DNM3: variants seen among roughly 807,000 people sequenced by gnomAD.
DNM3 encodes dynamin 3, also known as dynamin-3.
DNM3 carries 47 observed loss-of-function variants against 101.6 expected under a neutral mutation model. The observed-to-expected ratio is 0.46, with a 90% CI of 0.37 to 0.59. The LOEUF is 0.59. Ranked by LOEUF, DNM3 falls within the 20% of genes least tolerant of loss-of-function variation. The pLI is 0.00. For synonymous variants in DNM3, 385 were observed against 387.9 expected, an observed-to-expected ratio of 0.99 and a Z score of 0.09; for missense variants, 849 against 1,085.7, an observed-to-expected ratio of 0.78 and a Z score of 3.06.
At chr1:172,352,146 A>C (rs1402845431) in intron 17 of DNM3, among the ~76,000 whole-genome samples, 2 of 152,198 alleles carry the variant, frequency 1.3e-5, no homozygotes, top group East Asian at 3.9e-4. Flanking sequence ...TACAACAGGA[A>C]TGCACTTTTG....
intron 1 of DNM3, among the ~76,000 whole-genome samples, chr1:171,869,039 T>A (rs2035031784): frequency 6.6e-6 from 1 of 152,220 alleles, no homozygotes. Flanking sequence ...TGCCTCAGCC[T>A]CCCAAAGTGC....
chr1:172,358,378 A>C (rs2067559484), intron 17 of DNM3, among the ~76,000 whole-genome samples: 1 of 152,126 alleles, frequency 6.6e-6, no homozygotes, highest in African/African-American at 2.4e-5. Context: ...CACCAGTGGG[A>C]AGAAAGAAGA....
rs1307610612 is a variant in DNM3 at position 172,319,002 on chromosome 1, A to G, written c.1882-4327A>G. The stretch of plus-strand genomic sequence containing the variant: ...ACTTCAAACTATACTACAAGGCTAC[A>G]GTAACCAAAACAGCATGGTACTGGT... On this transcript the variant is annotated intron_variant, in intron 16 of 20. Coordinates refer to ENST00000627582, the MANE Select transcript of DNM3 (RefSeq NM_015569.5). 8.6e-5 allele frequency among the ~76,000 whole-genome samples: 13 copies of G among 152,040 alleles called. No individual in the cohort carries two copies. The East Asian group carries it at 2.3e-3, about 27-fold the overall frequency.
chr1:172,142,989 T>A (rs1333541559), intron 14 of DNM3, among the ~76,000 whole-genome samples: 1 of 152,058 alleles, frequency 6.6e-6, no homozygotes, highest in Non-Finnish European at 1.5e-5. Flanking sequence ...ATAACTTTAC[T>A]ATATCATCTA....
At chr1:172,274,985 T>C (rs2063224433) in intron 15 of DNM3, among the ~76,000 whole-genome samples, 1 of 152,054 alleles carries the variant, frequency 6.6e-6, no homozygotes, top group African/African-American at 2.4e-5. Context: ...AAACAAGCAG[T>C]TCTGGGACCT....
At chr1:172,396,302 C>G (rs1371600319) in intron 20 of DNM3, among the ~76,000 whole-genome samples, 1 of 152,198 alleles carries the variant, frequency 6.6e-6, no homozygotes, top group Non-Finnish European at 1.5e-5. Flanking sequence ...TAATCCATAG[C>G]AAGGTAGGGT....
intron 1 of DNM3, among the ~76,000 whole-genome samples, chr1:171,879,188 T>C (rs776269201): frequency 3.9e-5 from 6 of 152,202 alleles, no homozygotes; most frequent in Non-Finnish European, 7.3e-5. Context: ...AAGGTGCTGT[T>C]TTAGTTGTTC....
At chr1:171,911,552 G>C (rs1412659624) in intron 1 of DNM3, among the ~76,000 whole-genome samples, 1 of 152,120 alleles carries the variant, frequency 6.6e-6, no homozygotes. Context: ...CGAAGTGCTG[G>C]GATTACAGGT....
At chr1:172,196,919 C>T (rs76993572) in intron 14 of DNM3, among the ~76,000 whole-genome samples, 1 of 151,950 alleles carries the variant, frequency 6.6e-6, no homozygotes, top group Non-Finnish European at 1.5e-5. Flanking sequence ...TAATTAGATC[C>T]CACTTGTCAA....
At position 172,219,377 on chromosome 1, in the gene DNM3, CAAAAAAAAA is replaced by C. The variant is rs58783160; in HGVS notation, c.1660-34179_1660-34171del. ...TGGGTGACAGAGGAATACCCTGTCT[CAAAAAAAAA>C]AAAAAAAAAAAAAAAAGAAGACGCT... On this transcript the variant is annotated intron_variant, in intron 14 of 20. Coordinates refer to ENST00000627582, the MANE Select transcript of DNM3 (RefSeq NM_015569.5). 3.1e-3 allele frequency among the ~76,000 whole-genome samples: 177 copies of C among 56,316 alleles called. 1 individual carries two copies. Among genetic ancestry groups the C allele is most frequent in the African/African-American group, 0.013 (169 of 13,254 alleles). 36.9% of individuals were successfully genotyped at this position (56,316 alleles called of 152,430 possible).
intron 15 of DNM3, among the ~76,000 whole-genome samples, chr1:172,307,368 G>A (rs575860531): frequency 6.6e-6 from 1 of 152,274 alleles, no homozygotes; most frequent in Admixed American, 6.5e-5. Flanking sequence ...ATAAAGTCAG[G>A]AAACAACAGA....
At chr1:172,084,528 G>A (rs942728915) in intron 12 of DNM3, among the ~76,000 whole-genome samples, 2 of 152,084 alleles carry the variant, frequency 1.3e-5, no homozygotes, top group African/African-American at 4.8e-5. Flanking sequence ...TTGACATGGG[G>A]TGACGTGGAG....
In DNM3 at chr1:172,408,866, TGA is replaced by T. The variant is rs2071060634; in HGVS notation, c.*1027_*1028del. On this transcript the variant is annotated 3_prime_UTR_variant, in exon 21 of 21. Transcript: ENST00000627582. Reference sequence around the variant, plus strand: ...CATTCTAGGCTTTCTTAATAAATCTTGAGGCTATGGGATAATCACATTTAAAG... The same window carrying T: ...CATTCTAGGCTTTCTTAATAAATCTTGGCTATGGGATAATCACATTTAAAG... 1.0e-6 allele frequency: 1 copy of T among 985,198 alleles called. No individual in the cohort carries two copies. Among genetic ancestry groups the T allele is most frequent in the Non-Finnish European group, 1.2e-6 (1 of 829,884 alleles). 61.0% of individuals were successfully genotyped at this position (985,198 alleles called of 1,614,324 possible).
chr1:172,106,638 C>T (rs868621816), intron 13 of DNM3, among the ~76,000 whole-genome samples: 10 of 151,786 alleles, frequency 6.6e-5, no homozygotes, highest in African/African-American at 2.2e-4. Context: ...TCTTCTATTC[C>T]TCTGTATCTG....
At chr1:172,041,140 T>C (rs760009663) in intron 7 of DNM3, among the ~76,000 whole-genome samples, 4 of 152,158 alleles carry the variant, frequency 2.6e-5, no homozygotes, top group Non-Finnish European at 4.4e-5. Context: ...GATCATCATC[T>C]AGAGGAGCCT....
At chr1:172,145,921 G>A (rs1260530853) in intron 14 of DNM3, among the ~76,000 whole-genome samples, 2 of 152,100 alleles carry the variant, frequency 1.3e-5, no homozygotes, top group Admixed American at 1.3e-4. Flanking sequence ...TTCTTTCCCT[G>A]TTGTGGCTGT....
At chr1:172,273,837 T>TA (rs1215089829) in intron 15 of DNM3, among the ~76,000 whole-genome samples, 2 of 151,946 alleles carry the variant, frequency 1.3e-5, no homozygotes, top group Non-Finnish European at 2.9e-5. Context: ...CCTGAAAGAG[T>TA]CCTGTGTACC....
Position 172,408,378 on chromosome 1 carries a change from A to G in DNM3, c.*537A>G, listed in dbSNP as rs759953298. On this transcript the variant is annotated 3_prime_UTR_variant, in exon 21 of 21. Coordinates refer to ENST00000627582, the MANE Select transcript of DNM3 (RefSeq NM_015569.5). ...TAGGAAGTGATTTTTTAAAATTAGG[A>G]CTCCTTAAGAATAAACTTTTCCAGA... 8.1e-6 allele frequency: 8 copies of G among 985,942 alleles called. No individual in the cohort carries two copies. The highest frequency in any genetic ancestry group is 9.6e-6 in the Non-Finnish European group (8 of 830,450). 61.1% of individuals were successfully genotyped at this position (985,942 alleles called of 1,614,324 possible). A position where few individuals can be genotyped will look rare whatever the true frequency, so the allele number is the denominator to read the frequency against.
rs193057278 is a variant in DNM3 at position 172,409,597 on chromosome 1, A to G, written c.*1756A>G. The G allele has an allele frequency of 3.7e-5, 36 of 984,672 alleles. No individual in the cohort carries two copies. In the African/African-American group the frequency reaches 4.2e-4, roughly 11 times the overall value. The allele number at this position is 984,672 out of a possible 1,614,324, so 61.0% of individuals were successfully genotyped here. On this transcript the variant is annotated 3_prime_UTR_variant, in exon 21 of 21. Transcript: ENST00000627582. ...TCACCCCAAACCCCAAACTGGGGGA[A>G]AAAAAGTTAACTCTTTGTGAATGGA... is the stretch of plus-strand genomic sequence containing the variant.
Sources: allele counts gnomAD v4.1 joint callset (sites outside exome capture counted in the v4.1 genomes callset), GRCh38; gene constraint gnomAD v4.1.1; transcripts MANE v1.5; gene names NCBI Gene and HGNC (gene_info 2026-07-23, HGNC 2026-07-21).